The following ARHGAP17 variants were observed in gnomAD, a reference collection of about 807,000 sequenced individuals.
ARHGAP17 encodes the protein rho GTPase-activating protein 17.
ARHGAP17 carries 57 observed loss-of-function variants against 99.5 expected under a neutral mutation model. The ratio of observed to expected loss-of-function variants is 0.57; its 90% CI spans 0.46 to 0.71. The LOEUF (loss-of-function observed/expected upper bound fraction) is 0.71. Among genes scored for constraint, ARHGAP17 ranks in the 30% least tolerant of loss-of-function variants. The pLI, the probability that ARHGAP17 is intolerant of heterozygous loss-of-function variation, is 0.00. For synonymous variants in ARHGAP17, 417 were observed against 429.6 expected (o/e 0.97, Z 0.36); for missense variants, 1,000 against 1,122.4 (o/e 0.89, Z 1.56).
Position 25,015,192 on chromosome 16 carries a change from C to T in ARHGAP17, c.53+17G>A. On this transcript the variant is annotated intron_variant, in intron 1 of 19. Transcript: ENST00000289968. ...CCCCAGCCCCGGTGCGACCCCCGTG[C>T]TGCCCGGCGCACTCGCCTGCCCACG... 1 of 1,306,230 alleles carries T rather than the reference C, an allele frequency of 7.7e-7. No homozygotes were observed. The highest frequency in any genetic ancestry group is 9.8e-7 in the Non-Finnish European group (1 of 1,021,840). The allele number at this position is 1,306,230 out of a possible 1,614,324, so 80.9% of individuals were successfully genotyped here. A position where few individuals can be genotyped will look rare whatever the true frequency, so the allele number is the denominator to read the frequency against.
At chr16:24,928,342 C>T (rs531379461) in intron 19 of ARHGAP17, among the ~76,000 whole-genome samples, 23 of 152,200 alleles carry the variant, frequency 1.5e-4, no homozygotes, top group Admixed American at 7.8e-4. Flanking sequence ...TAGCATAGAC[C>T]GGTTTTTAAA....
At chr16:24,978,891 C>G in intron 2 of ARHGAP17, 75 bp downstream of exon 2, 3 of 973,716 alleles carry the variant, frequency 3.1e-6, no homozygotes, top group Non-Finnish European at 4.4e-6. Flanking sequence ...AAAAAGCCCA[C>G]AGGCCTCAAT....
At chr16:24,972,410 G>C (rs1159396354) in intron 3 of ARHGAP17, among the ~76,000 whole-genome samples, 1 of 152,088 alleles carries the variant, frequency 6.6e-6, no homozygotes, top group Non-Finnish European at 1.5e-5. Context: ...GTAGAGACAA[G>C]GTCTCACTAT....
intron 7 of ARHGAP17, among the ~76,000 whole-genome samples, chr16:24,963,186 G>T (rs2052064760): frequency 6.6e-6 from 1 of 152,138 alleles, no homozygotes; most frequent in African/African-American, 2.4e-5. Flanking sequence ...CCACAAATAA[G>T]CCAATGTGAC....
chr16:24,939,533 T>C lies in ARHGAP17; in HGVS notation c.1555A>G (p.Ile519Val). 3 of 1,608,854 alleles carry C rather than the reference T, an allele frequency of 1.9e-6. No homozygotes were observed. Among genetic ancestry groups the C allele is most frequent in the Non-Finnish European group, 2.5e-6 (3 of 1,178,410 alleles). The change falls in exon 17 of 20, where the codon ATA becomes GTA. Residue 519 changes from isoleucine to valine, a missense_variant. By Grantham distance (29) the Ile-to-Val change is conservative. Around this residue, in one of 2 missense-constraint regions of ARHGAP17, gnomAD observed 528 missense variants for 511.4 expected, o/e 1.03. Coordinates refer to ENST00000289968, the MANE Select transcript of ARHGAP17 (RefSeq NM_001006634.3). ...RRGGTLNRKH[I>V]SPAFQPPLPP... is the part of the protein sequence containing the mutation. ...AGTGGCGGCTGGAAAGCGGGGGATA[T>C]GTGCTTTCTATTTAGAGTGCCACCC...
At chr16:24,982,983 T>TATATATATACAC (rs2052730363) in intron 1 of ARHGAP17, among the ~76,000 whole-genome samples, 1 of 15,004 alleles carries the variant, frequency 6.7e-5, no homozygotes, top group African/African-American at 2.0e-4. Context: ...TATATATATA[T>TATATATATACAC]ATATATATAT....
At position 25,015,233 on chromosome 16, in the gene ARHGAP17, T is replaced by C; in HGVS notation, c.29A>G (p.Gln10Arg). MKKQFNRMKQLANQTVGRAE... is the reference protein window; with the variant it reads MKKQFNRMKRLANQTVGRAE... ...CCTGCCCACGGTCTGGTTAGCCAGC[T>C]GCTTCATGCGGTTGAACTGCTTCTT... Residue 10 changes from glutamine to arginine, a missense_variant, in exon 1 of 20, where the codon CAG becomes CGG. By Grantham distance (43) the Gln-to-Arg change is conservative (BLOSUM62 1). Transcript: ENST00000289968. The C allele has an allele frequency of 1.5e-6, 2 of 1,362,096 alleles. No homozygotes were observed. Among genetic ancestry groups the C allele is most frequent in the African/African-American group, 1.5e-5 (1 of 65,958 alleles). 84.4% of individuals were successfully genotyped at this position (1,362,096 alleles called of 1,614,324 possible).
intron 1 of ARHGAP17, among the ~76,000 whole-genome samples, chr16:24,982,992 ATATATTTTTTTTTTT>A (rs1454162217): frequency 4.9e-4 from 14 of 28,758 alleles, no homozygotes; most frequent in African/African-American, 1.9e-3. Context: ...ATATATATAT[ATATATTTTTTTTTTT>A]TTTTTTTTTT....
At chr16:24,994,066 GT>G (rs1367484800) in intron 1 of ARHGAP17, among the ~76,000 whole-genome samples, 2 of 152,098 alleles carry the variant, frequency 1.3e-5, no homozygotes, top group African/African-American at 4.8e-5. Context: ...ATAAACACAC[GT>G]CACAGATGTG....
At chr16:24,940,386 T>C (rs1292285714) in intron 16 of ARHGAP17, among the ~76,000 whole-genome samples, 9 of 152,064 alleles carry the variant, frequency 5.9e-5, no homozygotes, top group Non-Finnish European at 1.5e-5. Context: ...GCAGACTACA[T>C]GTGAAAGGTA....
At chr16:24,984,432 C>T (rs1281974730) in intron 1 of ARHGAP17, among the ~76,000 whole-genome samples, 4 of 152,044 alleles carry the variant, frequency 2.6e-5, no homozygotes, top group Non-Finnish European at 5.9e-5. Flanking sequence ...TTTGGGAAGC[C>T]AAGGCAGGCG....
chr16:25,000,432 A>G (rs1423832511), intron 1 of ARHGAP17, among the ~76,000 whole-genome samples: 1 of 152,200 alleles, frequency 6.6e-6, no homozygotes, highest in East Asian at 1.9e-4. Flanking sequence ...TGCTTGGACA[A>G]CTGGCAGGCT....
chr16:24,989,142 G>T (rs1000551214), intron 1 of ARHGAP17, among the ~76,000 whole-genome samples: 3 of 152,108 alleles, frequency 2.0e-5, no homozygotes, highest in Non-Finnish European at 4.4e-5. Flanking sequence ...CCAAGGCCAG[G>T]CCACACAATG....
intron 14 of ARHGAP17, among the ~76,000 whole-genome samples, chr16:24,945,205 C>T (rs1258488819): frequency 1.3e-5 from 2 of 151,722 alleles, no homozygotes; most frequent in Non-Finnish European, 2.9e-5. Flanking sequence ...CATCTGTATT[C>T]CCAGCTACCG....
chr16:24,982,411 CA>C (rs933275900), intron 1 of ARHGAP17, among the ~76,000 whole-genome samples: 8 of 142,778 alleles, frequency 5.6e-5, no homozygotes, highest in South Asian at 2.2e-4. Flanking sequence ...CTCAAAAAAA[CA>C]AAAAAAAAAT....
intron 1 of ARHGAP17, among the ~76,000 whole-genome samples, chr16:25,009,175 G>A (rs867745688): frequency 6.6e-6 from 1 of 152,166 alleles, no homozygotes; most frequent in Non-Finnish European, 1.5e-5. Flanking sequence ...AGACCAGCCT[G>A]GCCAACATGG....
chr16:24,960,505 C>T (rs1332927463), intron 7 of ARHGAP17, among the ~76,000 whole-genome samples: 1 of 151,440 alleles, frequency 6.6e-6, no homozygotes, highest in Non-Finnish European at 1.5e-5. Context: ...AGATCGTGTG[C>T]CACTGCACTC....
At chr16:24,992,728 C>T (rs946644613) in intron 1 of ARHGAP17, among the ~76,000 whole-genome samples, 1 of 152,186 alleles carries the variant, frequency 6.6e-6, no homozygotes, top group Non-Finnish European at 1.5e-5. Context: ...AAATACAGTA[C>T]TCCTGTTCAA....
intron 2 of ARHGAP17, among the ~76,000 whole-genome samples, chr16:24,978,555 GTAA>G (rs1330404214): frequency 2.6e-5 from 4 of 152,206 alleles, no homozygotes; most frequent in Non-Finnish European, 5.9e-5. Flanking sequence ...TGCAGTGGCA[GTAA>G]TAATAATAGA....
Sources: allele counts gnomAD v4.1 joint callset (sites outside exome capture counted in the v4.1 genomes callset), GRCh38; gene constraint gnomAD v4.1.1; regional missense constraint gnomAD v4.1.1; transcripts MANE v1.5; gene names NCBI Gene and HGNC (gene_info 2026-07-23, HGNC 2026-07-21).